ST6GALNAC3: variants seen among roughly 807,000 people sequenced by gnomAD.
ST6GALNAC3 encodes alpha-N-acetylgalactosaminide alpha-2,6-sialyltransferase 3.
ST6GALNAC3 carries 25 observed loss-of-function variants against 32.7 expected under a neutral mutation model. That is an observed-to-expected ratio of 0.76 (90% confidence interval 0.56 to 1.07). The LOEUF is 1.07. Among genes scored for constraint, ST6GALNAC3 ranks in the 50% least tolerant of loss-of-function variants. The probability of loss-of-function intolerance (pLI) is 0.00; values close to 1 mark genes in which losing one functional copy is unlikely to be tolerated. For missense variants in ST6GALNAC3, 355 were observed against 382.4 expected, an observed-to-expected ratio of 0.93 and a Z score of 0.60; for synonymous variants, 129 against 133.1, an observed-to-expected ratio of 0.97 and a Z score of 0.21.
chr1:76,187,547 C>A (rs917569482), intron 1 of ST6GALNAC3, among the ~76,000 whole-genome samples: 1 of 152,156 alleles, frequency 6.6e-6, no homozygotes, highest in Admixed American at 6.5e-5. Context: ...ATGTTTACTA[C>A]AAGTGGCAGT....
intron 1 of ST6GALNAC3, among the ~76,000 whole-genome samples, chr1:76,175,679 A>G (rs1449666445): frequency 3.3e-5 from 5 of 152,178 alleles, no homozygotes; most frequent in Non-Finnish European, 7.3e-5. Context: ...TACTTAAAAA[A>G]TATATTCCCC....
intron 1 of ST6GALNAC3, among the ~76,000 whole-genome samples, chr1:76,251,172 A>G (rs1657592575): frequency 6.6e-6 from 1 of 152,076 alleles, no homozygotes; most frequent in Non-Finnish European, 1.5e-5. Context: ...TTTAATTAGC[A>G]AATTCTCCCA....
intron 3 of ST6GALNAC3, among the ~76,000 whole-genome samples, chr1:76,585,400 A>C (rs1646947864): frequency 6.6e-6 from 1 of 152,024 alleles, no homozygotes; most frequent in African/African-American, 2.4e-5. Context: ...AAGAAAAAAA[A>C]AAAAAACTAT....
At chr1:76,400,132 G>A (rs1653293437) in intron 2 of ST6GALNAC3, among the ~76,000 whole-genome samples, 1 of 152,026 alleles carries the variant, frequency 6.6e-6, no homozygotes, top group African/African-American at 2.4e-5. Context: ...TTAACATTAA[G>A]TATTAAGTAC....
At chr1:76,155,734 C>T (rs1045319521) in intron 1 of ST6GALNAC3, among the ~76,000 whole-genome samples, 1 of 152,062 alleles carries the variant, frequency 6.6e-6, no homozygotes, top group Non-Finnish European at 1.5e-5. Flanking sequence ...GCCTTGGCCT[C>T]CCAAAGTGCT....
chr1:76,533,466 C>T (rs1044140761), intron 3 of ST6GALNAC3, among the ~76,000 whole-genome samples: 4 of 152,106 alleles, frequency 2.6e-5, no homozygotes, highest in Non-Finnish European at 5.9e-5. Flanking sequence ...TTCTCTTTTT[C>T]CTACATCACC....
chr1:76,080,800 C>G (rs1231826622), intron 1 of ST6GALNAC3, among the ~76,000 whole-genome samples: 3 of 152,150 alleles, frequency 2.0e-5, no homozygotes, highest in Admixed American at 6.5e-5. Context: ...CGTAGGATAA[C>G]CCTGGCAAGT....
At chr1:76,087,610 C>T (rs2100738852) in intron 1 of ST6GALNAC3, among the ~76,000 whole-genome samples, 1 of 152,238 alleles carries the variant, frequency 6.6e-6, no homozygotes, top group South Asian at 2.1e-4. Context: ...TGGATTATCT[C>T]ATTTTATCCC....
At chr1:76,417,693 C>T (rs1254840411) in intron 3 of ST6GALNAC3, among the ~76,000 whole-genome samples, 1 of 152,090 alleles carries the variant, frequency 6.6e-6, no homozygotes, top group Non-Finnish European at 1.5e-5. Context: ...CAAATATAGG[C>T]ACATTATTTA....
intron 3 of ST6GALNAC3, among the ~76,000 whole-genome samples, chr1:76,456,565 T>G (rs897385542): frequency 2.0e-5 from 3 of 152,174 alleles, no homozygotes; most frequent in African/African-American, 7.2e-5. Context: ...AATCAATAAA[T>G]GTAATCCAGC....
chr1:76,109,033 A>G (rs1318318125), intron 1 of ST6GALNAC3, among the ~76,000 whole-genome samples: 1 of 152,184 alleles, frequency 6.6e-6, no homozygotes, highest in Non-Finnish European at 1.5e-5. Context: ...ATTTAATTAG[A>G]TGATTTAAAG....
intron 3 of ST6GALNAC3, among the ~76,000 whole-genome samples, chr1:76,512,005 G>A (rs1661891487): frequency 1.3e-5 from 2 of 152,040 alleles, no homozygotes; most frequent in Admixed American, 6.5e-5. Flanking sequence ...GTGTCATGGC[G>A]ATCTGAGAAA....
intron 3 of ST6GALNAC3, among the ~76,000 whole-genome samples, chr1:76,567,094 G>A (rs1665599446): frequency 6.6e-6 from 1 of 152,136 alleles, no homozygotes; most frequent in Admixed American, 6.6e-5. Context: ...AGGAAAAAAA[G>A]GATGTTAATA....
intron 2 of ST6GALNAC3, among the ~76,000 whole-genome samples, chr1:76,340,170 G>A (rs1000637416): frequency 1.3e-5 from 2 of 152,158 alleles, no homozygotes; most frequent in African/African-American, 2.4e-5. Flanking sequence ...ATGGTCCCTC[G>A]GAGTGCATTT....
chr1:76,595,512 T>C (rs76482951), intron 3 of ST6GALNAC3, among the ~76,000 whole-genome samples: 35 of 152,260 alleles, frequency 2.3e-4, no homozygotes, highest in African/African-American at 8.4e-4. Context: ...TGGTGTTATA[T>C]TCTAAGCTTA....
At chr1:76,478,780 T>TTTTTTG (rs1659518435) in intron 3 of ST6GALNAC3, among the ~76,000 whole-genome samples, 1 of 147,208 alleles carries the variant, frequency 6.8e-6, no homozygotes, top group Non-Finnish European at 1.5e-5. Context: ...TTTTTTTTTT[T>TTTTTTG]GAGATGAAGT....
At chr1:76,180,921 C>T (rs1418152106) in intron 1 of ST6GALNAC3, among the ~76,000 whole-genome samples, 1 of 152,210 alleles carries the variant, frequency 6.6e-6, no homozygotes, top group East Asian at 1.9e-4. Flanking sequence ...TGAAAGGTGT[C>T]ACGCTGGCCC....
intron 2 of ST6GALNAC3, among the ~76,000 whole-genome samples, chr1:76,355,172 A>G (rs985049651): frequency 2.0e-5 from 3 of 152,178 alleles, no homozygotes; most frequent in Non-Finnish European, 4.4e-5. Flanking sequence ...TGGAGATGCC[A>G]TGCGGTCAGA....
At chr1:76,427,687 G>T (rs1180871872) in intron 3 of ST6GALNAC3, among the ~76,000 whole-genome samples, 1 of 151,588 alleles carries the variant, frequency 6.6e-6, no homozygotes, top group Non-Finnish European at 1.5e-5. Flanking sequence ...AATCTATCTA[G>T]TTCATTAATT....
Sources: allele counts gnomAD v4.1 joint callset (sites outside exome capture counted in the v4.1 genomes callset), GRCh38; gene constraint gnomAD v4.1.1; transcripts MANE v1.5; gene names NCBI Gene and HGNC (gene_info 2026-07-23, HGNC 2026-07-21).